The following TCEA3 variants were observed in gnomAD, a reference collection of about 807,000 sequenced individuals.
The protein encoded by TCEA3 is transcription elongation factor A protein 3.
A neutral mutation model predicts 44.0 loss-of-function variants in TCEA3; 36 were observed. The ratio of observed to expected loss-of-function variants is 0.82; its 90% CI spans 0.63 to 1.08. TCEA3 has a LOEUF of 1.08. Among genes scored for constraint, TCEA3 ranks in the 50% least tolerant of loss-of-function variants. The pLI is 0.00. For missense variants in TCEA3, 392 were observed against 441.2 expected (o/e 0.89, Z 1.00); for synonymous variants, 162 against 159.7 (o/e 1.01, Z -0.11).
intron 8 of TCEA3, among the ~76,000 whole-genome samples, chr1:23,393,671 C>T (rs556732161): frequency 6.6e-6 from 1 of 152,208 alleles, no homozygotes; most frequent in Non-Finnish European, 1.5e-5. Flanking sequence ...TTGGCCAATT[C>T]GCTGAACACA....
chr1:23,419,026 C>G (rs1314183020), intron 2 of TCEA3, 51 bp downstream of exon 2: 3 of 1,006,874 alleles, frequency 3.0e-6, no homozygotes, highest in African/African-American at 1.7e-5. Context: ...TTCCCTCCCC[C>G]ACCAGCTCTC....
intron 1 of TCEA3, among the ~76,000 whole-genome samples, chr1:23,422,040 T>G (rs1050000250): frequency 1.3e-5 from 2 of 152,212 alleles, no homozygotes; most frequent in African/African-American, 2.4e-5. Flanking sequence ...GCCAGTAGTA[T>G]CTCTGGTCTA....
rs1223822413 is a variant in TCEA3 at position 23,401,629 on chromosome 1, T to C, written c.444-3674A>G. 6.6e-5 allele frequency among the ~76,000 whole-genome samples: 10 copies of C among 152,244 alleles called. No individual in the cohort carries two copies. In the East Asian group the frequency reaches 1.5e-3, roughly 24 times the overall value. On this transcript the variant is annotated intron_variant, in intron 5 of 10. Transcript: ENST00000450454. ...AGGGTTCCCACCTGAACAGTCACAA[T>C]AGCCCCAAAACTGGTTTCCCTGTGT...
At chr1:23,382,163 C>T (rs1258789782) in intron 10 of TCEA3, among the ~76,000 whole-genome samples, 1 of 151,862 alleles carries the variant, frequency 6.6e-6, no homozygotes, top group Admixed American at 6.6e-5. Flanking sequence ...TCTCCTGCCT[C>T]AGCCTCCCGA....
At position 23,397,678 on chromosome 1, in the gene TCEA3, A is replaced by G. The variant is rs1469416991; in HGVS notation, c.608-77T>C. On this transcript the variant is annotated intron_variant, in intron 6 of 10. Coordinates refer to ENST00000450454, the MANE Select transcript of TCEA3 (RefSeq NM_003196.3). Reference sequence around the variant, plus strand: ...GAAGCCTGCTTGTACCTGGGACTAGAGTGTTCCTGTACCATCCCTTGGGGT... The same window carrying G: ...GAAGCCTGCTTGTACCTGGGACTAGGGTGTTCCTGTACCATCCCTTGGGGT... The G allele has an allele frequency of 2.2e-5, 35 of 1,605,056 alleles. No homozygotes were observed. In the South Asian group the frequency reaches 3.8e-4, roughly 17 times the overall value.
At chr1:23,400,390 T>TTTTTTTTTTTTTTTAA (rs1639364539) in intron 5 of TCEA3, among the ~76,000 whole-genome samples, 1 of 136,484 alleles carries the variant, frequency 7.3e-6, no homozygotes, top group African/African-American at 2.6e-5. Context: ...TTTTTTTTTG[T>TTTTTTTTTTTTTTTAA]AGAAATGGGG....
At chr1:23,384,968 A>G (rs1171722055) in intron 9 of TCEA3, among the ~76,000 whole-genome samples, 1 of 152,156 alleles carries the variant, frequency 6.6e-6, no homozygotes, top group Non-Finnish European at 1.5e-5. Flanking sequence ...ACAAGTTCAC[A>G]GGAGTGAGCT....
At chr1:23,398,771 A>ATT (rs1340704924) in intron 5 of TCEA3, among the ~76,000 whole-genome samples, 2 of 151,544 alleles carry the variant, frequency 1.3e-5, no homozygotes, top group Non-Finnish European at 2.9e-5. Flanking sequence ...AATTTATTTT[A>ATT]TTTTTTGAGA....
intron 5 of TCEA3, among the ~76,000 whole-genome samples, chr1:23,408,023 G>T (rs763318917): frequency 6.6e-6 from 1 of 151,852 alleles, no homozygotes; most frequent in Non-Finnish European, 1.5e-5. Context: ...TTGCAGTGGC[G>T]CGATCTCGGC....
intron 2 of TCEA3, 29 bp from the exon 3 acceptor site, chr1:23,418,038 C>T (rs776214740): frequency 6.2e-7 from 1 of 1,606,244 alleles, no homozygotes; most frequent in South Asian, 1.1e-5. Context: ...AAGGCATAAT[C>T]TGGGAATGGA....
chr1:23,403,225 T>A (rs1639450283), intron 5 of TCEA3, among the ~76,000 whole-genome samples: 1 of 152,380 alleles, frequency 6.6e-6, no homozygotes, highest in African/African-American at 2.4e-5. Flanking sequence ...TGGTGGTCGT[T>A]TTTGAAACGA....
chr1:23,414,781 T>C (rs188299967), intron 4 of TCEA3, among the ~76,000 whole-genome samples: 1 of 152,332 alleles, frequency 6.6e-6, no homozygotes, highest in East Asian at 1.9e-4. Flanking sequence ...ACAAAATCGC[T>C]AAACTAAGAC....
intron 4 of TCEA3, among the ~76,000 whole-genome samples, chr1:23,413,878 T>C (rs1489043556): frequency 6.6e-6 from 1 of 151,808 alleles, no homozygotes; most frequent in East Asian, 1.9e-4. Context: ...TTTATGTACA[T>C]GAAAAGGTTA....
chr1:23,381,710 C>T (rs1638676122), intron 10 of TCEA3, among the ~76,000 whole-genome samples: 1 of 152,184 alleles, frequency 6.6e-6, no homozygotes, highest in African/African-American at 2.4e-5. Context: ...AATTCGGTGC[C>T]AGGAATGTGC....
rs542499497 is a variant in TCEA3 at position 23,419,327 on chromosome 1, G to A, written c.70-188C>T. 18 of 396,046 alleles carry A rather than the reference G, an allele frequency of 4.5e-5. No individual in the cohort carries two copies. In the Admixed American group the frequency reaches 4.8e-4, roughly 11 times the overall value. 24.5% of individuals were successfully genotyped at this position (396,046 alleles called of 1,614,324 possible). A position where few individuals can be genotyped will look rare whatever the true frequency, so the allele number is the denominator to read the frequency against. Reference sequence around the variant, plus strand: ...AGGTGGTGCTCTAACTTCATCCCCCGCCACCTGCTGGGTTCAAACCCTCTG... The same window carrying A: ...AGGTGGTGCTCTAACTTCATCCCCCACCACCTGCTGGGTTCAAACCCTCTG... On this transcript the variant is annotated intron_variant, in intron 1 of 10. Coordinates refer to ENST00000450454, the MANE Select transcript of TCEA3 (RefSeq NM_003196.3).
At chr1:23,416,337 C>A (rs2148581669) in intron 4 of TCEA3, among the ~76,000 whole-genome samples, 1 of 152,070 alleles carries the variant, frequency 6.6e-6, no homozygotes, top group Non-Finnish European at 1.5e-5. Flanking sequence ...ATTTTTATCA[C>A]TCTTATTTGT....
intron 5 of TCEA3, among the ~76,000 whole-genome samples, chr1:23,408,066 A>G (rs946072356): frequency 6.6e-6 from 1 of 151,874 alleles, no homozygotes; most frequent in African/African-American, 2.4e-5. Context: ...GGTTCAAGCG[A>G]TTCTCCTGCC....
intron 5 of TCEA3, among the ~76,000 whole-genome samples, chr1:23,408,119 G>A (rs1022225671): frequency 1.9e-4 from 29 of 152,026 alleles, no homozygotes; most frequent in Non-Finnish European, 3.1e-4. Context: ...CCACCACCAT[G>A]CCTGGCTAAT....
intron 4 of TCEA3, among the ~76,000 whole-genome samples, chr1:23,415,314 C>T (rs796134904): frequency 3.3e-5 from 5 of 152,150 alleles, no homozygotes; most frequent in Admixed American, 6.5e-5. Flanking sequence ...TGGGCCACTG[C>T]GCCCAGCCTC....
Sources: gnomAD v4.1 joint callset for allele counts (sites outside exome capture counted in the v4.1 genomes callset) on GRCh38, gnomAD v4.1.1 for gene constraint, MANE v1.5 for transcripts, NCBI Gene and HGNC (gene_info 2026-07-23, HGNC 2026-07-21) for gene names.